Variants in NUP133 observed in about 807,000 individuals in gnomAD.
The protein encoded by NUP133 is nucleoporin 133.
Under a neutral mutation model 146.2 loss-of-function variants are expected in NUP133, and 66 were observed. The ratio of observed to expected loss-of-function variants is 0.45; its 90% CI spans 0.37 to 0.55. The LOEUF is 0.55. Ranked by LOEUF, NUP133 falls within the 20% of genes least tolerant of loss-of-function variation. NUP133 has a pLI of 0.00. For synonymous variants in NUP133, 521 were observed against 498.8 expected (o/e 1.04, Z -0.59); for missense variants, 1,277 against 1,374.8 (o/e 0.93, Z 1.12).
chr1:229,448,619 T>C (rs946300994), intron 24 of NUP133, among the ~76,000 whole-genome samples: 3 of 152,178 alleles, frequency 2.0e-5, no homozygotes, highest in Non-Finnish European at 4.4e-5. Context: ...CATTCTTTTA[T>C]TTTCTTCTCT....
At chr1:229,463,479 G>T in intron 19 of NUP133, 64 bp downstream of exon 19, 1 of 1,532,080 alleles carries the variant, frequency 6.5e-7, no homozygotes, top group South Asian at 1.3e-5. Flanking sequence ...GATTTGAAAT[G>T]GCAAAGCCAT....
chr1:229,478,890 G>A (rs1211152366), intron 12 of NUP133, among the ~76,000 whole-genome samples: 1 of 152,186 alleles, frequency 6.6e-6, no homozygotes, highest in Non-Finnish European at 1.5e-5. Context: ...TCAGATGTCA[G>A]ATCAGACAAG....
intron 2 of NUP133, among the ~76,000 whole-genome samples, chr1:229,502,600 T>G (rs372818121): frequency 6.2e-5 from 9 of 144,786 alleles, no homozygotes; most frequent in East Asian, 6.0e-4. Context: ...AAGAAATATA[T>G]CTAAAGGCAA....
chr1:229,506,788 G>A (rs1328938668), intron 1 of NUP133, among the ~76,000 whole-genome samples: 1 of 145,914 alleles, frequency 6.9e-6, no homozygotes, highest in East Asian at 2.0e-4. Context: ...CCAGCCTGTA[G>A]CCTGGGCGAC....
chr1:229,448,311 C>T (rs1221360072), intron 24 of NUP133, among the ~76,000 whole-genome samples: 1 of 152,054 alleles, frequency 6.6e-6, no homozygotes, highest in Admixed American at 6.5e-5. Flanking sequence ...GCCTGTAATC[C>T]CATTTACTTG....
chr1:229,499,593 A>T, intron 5 of NUP133, 91 bp downstream of exon 5: 1 of 1,364,276 alleles, frequency 7.3e-7, no homozygotes, highest in Non-Finnish European at 1.0e-6. Context: ...ACATAAGGAG[A>T]TCCCACCTCT....
chr1:229,442,709 T>G (rs1660210235), intron 25 of NUP133, among the ~76,000 whole-genome samples: 1 of 148,648 alleles, frequency 6.7e-6, no homozygotes, highest in East Asian at 1.9e-4. Context: ...CATCATTTTT[T>G]GGTTCTTTTT....
chr1:229,444,238 G>C (rs1660254308), intron 25 of NUP133, among the ~76,000 whole-genome samples: 1 of 151,992 alleles, frequency 6.6e-6, no homozygotes, highest in South Asian at 2.1e-4. Flanking sequence ...GGCTGAGGCA[G>C]GAGAATCACT....
intron 12 of NUP133, among the ~76,000 whole-genome samples, chr1:229,481,796 G>T (rs1361003642): frequency 6.6e-6 from 1 of 152,100 alleles, no homozygotes; most frequent in Admixed American, 6.6e-5. Context: ...ATTGCTAGCA[G>T]CCACCCGGAG....
Position 229,502,039 on chromosome 1 carries a change from T to C in NUP133, c.365A>G (p.Lys122Arg). ...GGWACLVCKE[K>R]LIIWKIALSP... ...CAGAGCAATCTTCCAAATAATGAGC[T>C]TCTCTTTGCACACCAGACAAGCCCA... Residue 122 changes from lysine to arginine, a missense_variant, in exon 3 of 26, where the codon AAG becomes AGG. This residue lies in a region of NUP133 where 319 missense variants were observed against 306.9 expected (regional missense o/e 1.04). Coordinates refer to ENST00000261396, the MANE Select transcript of NUP133 (RefSeq NM_018230.3). The C allele has an allele frequency of 6.2e-7, 1 of 1,613,976 alleles. No homozygotes were observed. The highest frequency in any genetic ancestry group is 8.5e-7 in the Non-Finnish European group (1 of 1,179,882).
chr1:229,498,774 A>C (rs906605019), intron 5 of NUP133, among the ~76,000 whole-genome samples: 9 of 152,122 alleles, frequency 5.9e-5, no homozygotes, highest in African/African-American at 2.2e-4. Context: ...AAAAAAAAAA[A>C]AAACAACTTT....
intron 14 of NUP133, among the ~76,000 whole-genome samples, chr1:229,473,651 C>G (rs182054628): frequency 1.3e-3 from 198 of 152,276 alleles, no homozygotes; most frequent in African/African-American, 3.9e-3. Flanking sequence ...ACACTGGGCA[C>G]AGTGGCTCAC....
At chr1:229,491,845 T>A (rs1364282028) in intron 8 of NUP133, among the ~76,000 whole-genome samples, 2 of 152,188 alleles carry the variant, frequency 1.3e-5, no homozygotes, top group African/African-American at 4.8e-5. Context: ...TGGGAGAGGC[T>A]GAAGCAGGAG....
chr1:229,455,221 G>A lies in NUP133; in HGVS notation c.2981-2578C>T, dbSNP rs182380274. 7.0e-4 allele frequency among the ~76,000 whole-genome samples: 106 copies of A among 152,266 alleles called. 2 individuals are homozygous for A. The highest frequency in any genetic ancestry group is 6.0e-3 in the Admixed American group (91 of 15,292). ...CAGATATCCATATCTGCATATACTT[G>A]ATCCAAACCACATAGCTGAGATTCC... On this transcript the variant is annotated intron_variant, in intron 21 of 25. Coordinates refer to ENST00000261396, the MANE Select transcript of NUP133 (RefSeq NM_018230.3).
In NUP133 at chr1:229,466,642, T is replaced by C; in HGVS notation, c.2191A>G (p.Ile731Val). The change falls in exon 16 of 26, where the codon ATT becomes GTT. Residue 731 changes from isoleucine (I) to valine (V), a missense_variant. Physicochemically the swap from Ile to Val is conservative, Grantham distance 29 (BLOSUM62 3). Around this residue, in one of 3 missense-constraint regions of NUP133, gnomAD observed 952 missense variants for 1,047.0 expected, o/e 0.91. Transcript: ENST00000261396. Reference protein sequence around the residue: ...WAEVVINVNNILKDMLQAASH... With the variant: ...WAEVVINVNNVLKDMLQAASH... ...TTACTATATTTTTGTACCTTGAGAA[T>C]ATTGTTCACATTGATCACCACTTCA... 1.2e-6 allele frequency: 2 copies of C among 1,614,084 alleles called. No individual in the cohort carries two copies. The highest frequency in any genetic ancestry group is 4.5e-5 in the East Asian group (2 of 44,866).
chr1:229,483,998 C>T, intron 12 of NUP133, 56 bp downstream of exon 12: 8 of 1,224,700 alleles, frequency 6.5e-6, no homozygotes, highest in Non-Finnish European at 8.3e-6. Flanking sequence ...TAGCACATGT[C>T]AGTAAAACAT....
At position 229,495,995 on chromosome 1, in the gene NUP133, CTCG is replaced by C; in HGVS notation, c.869_871del (p.Thr290del). 4 of 1,610,866 alleles carry C rather than the reference CTCG, an allele frequency of 2.5e-6. No individual in the cohort carries two copies. The highest frequency in any genetic ancestry group is 3.4e-6 in the Non-Finnish European group (4 of 1,178,752). On this transcript the variant is annotated inframe_deletion, in exon 7 of 26. Transcript: ENST00000261396. The stretch of plus-strand genomic sequence containing the variant: ...TAATTCCCATTTACTGATGTTTGAA[CTCG>C]TCAGGCTATAAAAGCTTGATCTCTC...
chr1:229,501,870 T>G (rs2102786223), intron 3 of NUP133, 129 bp downstream of exon 3: 6 of 646,370 alleles, frequency 9.3e-6, no homozygotes, highest in Non-Finnish European at 1.6e-5. Flanking sequence ...ACTATGAAAA[T>G]GCAAACTCTT....
rs762406885 is a variant in NUP133 at position 229,460,747 on chromosome 1, C to A, written c.2708G>T (p.Arg903Leu). ...TCGCTTTCCTTTCTCCAGATACCAA[C>A]GGAAGAGAAAGTCTGAAAAATTCTA... is the stretch of plus-strand genomic sequence containing the variant. ...ADQNFSDFLF[R>L]WYLEKGKRGK... Residue 903 changes from arginine (R) to leucine (L), a missense_variant, in exon 20 of 26, where the codon CGT (arginine) becomes CTT (leucine). Physicochemically the swap from Arg to Leu is moderately radical, Grantham distance 102. This residue lies in a region of NUP133 where 952 missense variants were observed against 1,047.0 expected (regional missense o/e 0.91). Transcript: ENST00000261396. 6 of 1,611,210 alleles carry A rather than the reference C, an allele frequency of 3.7e-6. No individual in the cohort carries two copies. The highest frequency in any genetic ancestry group is 4.2e-6 in the Non-Finnish European group (5 of 1,178,894).
Sources: allele counts gnomAD v4.1 joint callset (sites outside exome capture counted in the v4.1 genomes callset), GRCh38; gene constraint gnomAD v4.1.1; regional missense constraint gnomAD v4.1.1; transcripts MANE v1.5; gene names NCBI Gene and HGNC (gene_info 2026-07-23, HGNC 2026-07-21).